The following EPHB1 variants were observed in gnomAD, a reference collection of about 807,000 sequenced individuals.
EPHB1 encodes EPH receptor B1.
In EPHB1, 30 loss-of-function variants were observed where a neutral mutation model predicts 94.4. The observed-to-expected ratio is 0.32, with a 90% CI of 0.24 to 0.43. The LOEUF (loss-of-function observed/expected upper bound fraction) is 0.43, where lower values mean the gene tolerates loss of function less well. Ranked by LOEUF, EPHB1 falls within the 20% of genes least tolerant of loss-of-function variation. The pLI is 1.00. For synonymous variants in EPHB1, 522 were observed against 489.1 expected (o/e 1.07, Z -0.89); for missense variants, 1,055 against 1,308.3 (o/e 0.81, Z 2.99).
At chr3:135,082,002 G>T (rs1938181743) in intron 3 of EPHB1, among the ~76,000 whole-genome samples, 1 of 151,880 alleles carries the variant, frequency 6.6e-6, no homozygotes, top group African/African-American at 2.4e-5. Context: ...GATCCAAGCA[G>T]AAGGCCCAGG....
At chr3:134,916,420 G>A (rs558572367) in intron 1 of EPHB1, among the ~76,000 whole-genome samples, 9 of 152,320 alleles carry the variant, frequency 5.9e-5, no homozygotes, top group Admixed American at 3.9e-4. Flanking sequence ...GTGCTCGTCC[G>A]GGAGGCTCAG....
intron 3 of EPHB1, among the ~76,000 whole-genome samples, chr3:135,090,580 AC>A (rs1290883702): frequency 6.6e-6 from 1 of 151,790 alleles, no homozygotes; most frequent in Non-Finnish European, 1.5e-5. Context: ...GACTGAACAA[AC>A]CCCCCTGGCA....
chr3:135,080,950 C>A (rs1938142778), intron 3 of EPHB1, among the ~76,000 whole-genome samples: 1 of 152,160 alleles, frequency 6.6e-6, no homozygotes, highest in Admixed American at 6.5e-5. Flanking sequence ...TCCTGTACAG[C>A]CTCTAGCACA....
At chr3:134,934,942 C>T (rs572281963) in intron 2 of EPHB1, among the ~76,000 whole-genome samples, 1 of 152,182 alleles carries the variant, frequency 6.6e-6, no homozygotes, top group Non-Finnish European at 1.5e-5. Context: ...GAATGCTTAA[C>T]CCTTGTTGGC....
intron 1 of EPHB1, among the ~76,000 whole-genome samples, chr3:134,890,563 T>C (rs1016189251): frequency 8.5e-5 from 13 of 152,230 alleles, no homozygotes; most frequent in African/African-American, 2.9e-4. Flanking sequence ...TGCTTGTTCA[T>C]GGGATATGTA....
intron 3 of EPHB1, among the ~76,000 whole-genome samples, chr3:135,091,873 G>A (rs984477405): frequency 1.3e-5 from 2 of 152,120 alleles, no homozygotes; most frequent in Non-Finnish European, 2.9e-5. Flanking sequence ...CTGTGCGTCT[G>A]GGGCTCTGGA....
intron 12 of EPHB1, among the ~76,000 whole-genome samples, chr3:135,203,389 T>C (rs1367211834): frequency 6.6e-6 from 1 of 152,152 alleles, no homozygotes; most frequent in Non-Finnish European, 1.5e-5. Flanking sequence ...ATTCTGTGTG[T>C]GTATCCCAGA....
At chr3:135,044,050 A>G (rs1289491312) in intron 3 of EPHB1, among the ~76,000 whole-genome samples, 1 of 152,216 alleles carries the variant, frequency 6.6e-6, no homozygotes, top group Non-Finnish European at 1.5e-5. Context: ...AGAACCATAC[A>G]TTTATCAGAA....
At chr3:134,918,446 A>G (rs2038614622) in intron 1 of EPHB1, among the ~76,000 whole-genome samples, 1 of 152,234 alleles carries the variant, frequency 6.6e-6, no homozygotes. Flanking sequence ...AGAAGTGATG[A>G]AAGAGTAATT....
At chr3:135,222,261 G>T (rs1033236425) in intron 12 of EPHB1, among the ~76,000 whole-genome samples, 1 of 152,126 alleles carries the variant, frequency 6.6e-6, no homozygotes, top group Non-Finnish European at 1.5e-5. Context: ...CCTAGTGGAT[G>T]CTTGAAAAAA....
intron 1 of EPHB1, among the ~76,000 whole-genome samples, chr3:134,841,849 T>C (rs2108296764): frequency 6.6e-6 from 1 of 152,376 alleles, no homozygotes; most frequent in Non-Finnish European, 1.5e-5. Context: ...CTTATTTCTT[T>C]ATTCATAAGC....
chr3:134,929,210 A>T (rs1406966914), intron 2 of EPHB1, among the ~76,000 whole-genome samples: 1 of 152,168 alleles, frequency 6.6e-6, no homozygotes, highest in Non-Finnish European at 1.5e-5. Flanking sequence ...GAGAGCTGAG[A>T]GTGCTCAGTT....
intron 12 of EPHB1, among the ~76,000 whole-genome samples, chr3:135,213,670 C>T (rs1270028157): frequency 6.6e-6 from 1 of 152,186 alleles, no homozygotes; most frequent in Non-Finnish European, 1.5e-5. Context: ...AACAGGATCC[C>T]ACAAATCTCT....
chr3:135,224,199 G>A (rs922186176), intron 12 of EPHB1, among the ~76,000 whole-genome samples: 4 of 152,184 alleles, frequency 2.6e-5, no homozygotes, highest in Non-Finnish European at 4.4e-5. Flanking sequence ...GCACAACAAC[G>A]AAATCATCTA....
chr3:135,151,665 A>G (rs1941199357), intron 5 of EPHB1, among the ~76,000 whole-genome samples: 1 of 152,182 alleles, frequency 6.6e-6, no homozygotes, highest in Non-Finnish European at 1.5e-5. Flanking sequence ...TACTTGACAG[A>G]TGCTCAATAA....
At chr3:135,046,760 A>G (rs16845998) in intron 3 of EPHB1, among the ~76,000 whole-genome samples, 9,695 of 152,272 alleles carry the variant, frequency 0.064, 380 homozygotes, top group East Asian at 0.14. Flanking sequence ...ACTTCTGTGC[A>G]TCTTTTATTC....
chr3:135,155,108 C>G (rs1941310361), intron 6 of EPHB1, among the ~76,000 whole-genome samples: 1 of 152,140 alleles, frequency 6.6e-6, no homozygotes, highest in African/African-American at 2.4e-5. Flanking sequence ...AGCTTACTTT[C>G]CAACAGAGGG....
At chr3:135,013,331 A>C (rs968317628) in intron 3 of EPHB1, among the ~76,000 whole-genome samples, 4 of 152,356 alleles carry the variant, frequency 2.6e-5, no homozygotes, top group African/African-American at 9.6e-5. Flanking sequence ...CCAACTCTGC[A>C]GTGCCCACAT....
In EPHB1 at chr3:134,929,432, C is replaced by T. The variant is rs149294928; in HGVS notation, c.123+3552C>T. ...GTAAGAGCTGAATTGTGGCTGACAA[C>T]TGTGCACGGGTGAGGATCCTGATCT... On this transcript the variant is annotated intron_variant, in intron 2 of 15. Transcript: ENST00000398015. Among the ~76,000 whole-genome samples, 431 of 152,316 alleles carry T rather than the reference C, an allele frequency of 2.8e-3. 7 individuals are homozygous for T. Among genetic ancestry groups the T allele is most frequent in the Non-Finnish European group, 4.0e-3 (271 of 68,028 alleles).
Sources: gnomAD v4.1 joint callset for allele counts (sites outside exome capture counted in the v4.1 genomes callset) on GRCh38, gnomAD v4.1.1 for gene constraint, MANE v1.5 for transcripts, NCBI Gene and HGNC (gene_info 2026-07-23, HGNC 2026-07-21) for gene names.